PAX7: variants seen among roughly 807,000 people sequenced by gnomAD.
The protein encoded by PAX7 is paired box 7, also known as paired box protein Pax-7.
In PAX7, 18 loss-of-function variants were observed where a neutral mutation model predicts 50.7. The observed-to-expected ratio is 0.36, with a 90% CI of 0.25 to 0.53. The LOEUF (loss-of-function observed/expected upper bound fraction) is 0.53, where lower values mean the gene tolerates loss of function less well. Among genes scored for constraint, PAX7 ranks in the 20% least tolerant of loss-of-function variants. PAX7 has a pLI of 0.93. For synonymous variants in PAX7, 310 were observed against 290.4 expected, an observed-to-expected ratio of 1.07 and a Z score of -0.69; for missense variants, 644 against 702.9, an observed-to-expected ratio of 0.92 and a Z score of 0.95.
Position 18,745,166 on chromosome 1 carries a change from G to A in PAX7, c.*237G>A, listed in dbSNP as rs1366892728. The stretch of plus-strand genomic sequence containing the variant: ...CCACTTTCCCCAAGGAGGGTTTCTG[G>A]TCAGCCTGAGGTCCTCCCCTGTCAA... On this transcript the variant is annotated 3_prime_UTR_variant, in exon 9 of 9. Transcript: ENST00000420770. The A allele has an allele frequency of 5.4e-6, 3 of 552,706 alleles. No homozygotes were observed. The highest frequency in any genetic ancestry group is 6.0e-5 in the East Asian group (2 of 33,192). The allele number at this position is 552,706 out of a possible 1,614,324, so 34.2% of individuals were successfully genotyped here.
chr1:18,651,318 C>T (rs1315501313), intron 4 of PAX7, among the ~76,000 whole-genome samples: 1 of 152,056 alleles, frequency 6.6e-6, no homozygotes, highest in Admixed American at 6.6e-5. Flanking sequence ...ATCGGTGGCT[C>T]TAAAATGTAT....
In PAX7 at chr1:18,632,104, A is replaced by G. The variant is rs1263612240; in HGVS notation, c.85+416A>G. Among the ~76,000 whole-genome samples, 1 of 151,950 alleles carries G rather than the reference A, an allele frequency of 6.6e-6. No homozygotes were observed. Among genetic ancestry groups the G allele is most frequent in the Non-Finnish European group, 1.5e-5 (1 of 68,000 alleles). ...TTGAATTATTTTTTCCACCCCCGGG[A>G]TTGGTCTTCCAGTCCTTTATTTCGA... On this transcript the variant is annotated intron_variant, in intron 1 of 8. Coordinates refer to ENST00000420770, the MANE Select transcript of PAX7 (RefSeq NM_001135254.2). This position sits in a 1 kb window ranked among gnomAD's most constrained non-coding sequence, Gnocchi z 6.3.
Position 18,735,417 on chromosome 1 carries a change from C to G in PAX7, c.1156-215C>G, listed in dbSNP as rs1476817698. Among the ~76,000 whole-genome samples the G allele has an allele frequency of 6.6e-6, 1 of 152,192 alleles. No individual in the cohort carries two copies. The highest frequency in any genetic ancestry group is 1.5e-5 in the Non-Finnish European group (1 of 68,038). On this transcript the variant is annotated intron_variant, in intron 7 of 8. Coordinates refer to ENST00000420770, the MANE Select transcript of PAX7 (RefSeq NM_001135254.2). The surrounding 1 kb of genome is among the most constrained non-coding windows in gnomAD (Gnocchi z 4.0). Reference sequence around the variant, plus strand: ...CTCAGTGGAAGGAGGATCCCTGGGTCAGGACCCTCCTTCAAGAGAAACACC... The same window carrying G: ...CTCAGTGGAAGGAGGATCCCTGGGTGAGGACCCTCCTTCAAGAGAAACACC...
chr1:18,697,275 G>A (rs1478381808), intron 5 of PAX7, among the ~76,000 whole-genome samples: 1 of 152,186 alleles, frequency 6.6e-6, no homozygotes, highest in Non-Finnish European at 1.5e-5. Flanking sequence ...AAAGAACTCA[G>A]TCCTGACCAG....
chr1:18,634,571 G>C lies in PAX7; in HGVS notation c.321+33G>C, dbSNP rs773385813. On this transcript the variant is annotated intron_variant, in intron 2 of 8. Transcript: ENST00000420770. This position sits in a 1 kb window ranked among gnomAD's most constrained non-coding sequence, Gnocchi z 4.0. The stretch of plus-strand genomic sequence containing the variant: ...TCTTTGCCACAGAGGCTGGCAGCTG[G>C]CTTCCTATAGTCGGGGGCTCCTGGT... 3 of 1,588,366 alleles carry C rather than the reference G, an allele frequency of 1.9e-6. No homozygotes were observed. The Admixed American group carries it at 5.0e-5, about 27-fold the overall frequency.
At chr1:18,694,461 A>AAAATAAATAAATAAAT (rs61364336) in intron 5 of PAX7, among the ~76,000 whole-genome samples, 6 of 139,754 alleles carry the variant, frequency 4.3e-5, no homozygotes, top group South Asian at 2.4e-4. Context: ...CTCTGTCTCG[A>AAAATAAATAAATAAAT]AAATAAATAA....
intron 7 of PAX7, among the ~76,000 whole-genome samples, chr1:18,717,248 T>C (rs985300722): frequency 6.6e-6 from 1 of 152,222 alleles, no homozygotes; most frequent in East Asian, 1.9e-4. Context: ...CCCCCCGGAC[T>C]GCGGAGCCGC....
chr1:18,707,488 C>T (rs9439680), intron 7 of PAX7, among the ~76,000 whole-genome samples: 8,228 of 139,264 alleles, frequency 0.059, 756 homozygotes, highest in African/African-American at 0.2. Context: ...GGCGCGATCT[C>T]AGCTCATTGC....
intron 5 of PAX7, among the ~76,000 whole-genome samples, chr1:18,692,617 G>T (rs1227056870): frequency 1.3e-5 from 2 of 152,202 alleles, no homozygotes; most frequent in Admixed American, 6.5e-5. Context: ...GGGAGTATAA[G>T]AATCTCCAAA....
intron 7 of PAX7, among the ~76,000 whole-genome samples, chr1:18,730,186 C>A (rs2089629549): frequency 6.6e-6 from 1 of 152,186 alleles, no homozygotes; most frequent in Non-Finnish European, 1.5e-5. Flanking sequence ...CTCTAGGTAG[C>A]TACAATTATC....
At chr1:18,650,277 T>C (rs749699658) in intron 4 of PAX7, among the ~76,000 whole-genome samples, 5 of 152,246 alleles carry the variant, frequency 3.3e-5, no homozygotes, top group Non-Finnish European at 7.3e-5. Context: ...TAGGGAACTT[T>C]CTCTCCTGGC....
In PAX7 at chr1:18,740,591, G is replaced by A. The variant is rs558816404; in HGVS notation, c.1403-4223G>A. Among the ~76,000 whole-genome samples, 5 of 152,284 alleles carry A rather than the reference G, an allele frequency of 3.3e-5. No individual in the cohort carries two copies. In the South Asian group the frequency reaches 1.0e-3, roughly 32 times the overall value. On this transcript the variant is annotated intron_variant, in intron 8 of 8. Coordinates refer to ENST00000420770, the MANE Select transcript of PAX7 (RefSeq NM_001135254.2). ...CACAGTAGGTGGTCCATACATGAGG[G>A]TGCTCGCCTTGTTGTTCTGATTATT...
At chr1:18,687,736 C>T (rs2088998252) in intron 4 of PAX7, among the ~76,000 whole-genome samples, 1 of 152,020 alleles carries the variant, frequency 6.6e-6, no homozygotes, top group South Asian at 2.1e-4. Flanking sequence ...ACTCAGTGTC[C>T]AGAGGGTTGT....
intron 4 of PAX7, among the ~76,000 whole-genome samples, chr1:18,645,456 C>T (rs2088324576): frequency 6.6e-6 from 1 of 152,326 alleles, no homozygotes; most frequent in East Asian, 1.9e-4. Flanking sequence ...TGGGTCCTTT[C>T]CATGGGACCC....
At chr1:18,719,484 G>A (rs1458930181) in intron 7 of PAX7, among the ~76,000 whole-genome samples, 1 of 152,234 alleles carries the variant, frequency 6.6e-6, no homozygotes, top group Non-Finnish European at 1.5e-5. Context: ...ACTGGCCTGA[G>A]GCCAAATGAA....
intron 8 of PAX7, among the ~76,000 whole-genome samples, chr1:18,740,195 G>A (rs371692220): frequency 9.9e-4 from 151 of 152,280 alleles, no homozygotes; most frequent in Middle Eastern, 6.8e-3. Context: ...CCCTGCCCTC[G>A]CCGGCCCCTC....
At chr1:18,639,541 A>G (rs1324129249) in intron 4 of PAX7, among the ~76,000 whole-genome samples, 1 of 152,052 alleles carries the variant, frequency 6.6e-6, no homozygotes, top group African/African-American at 2.4e-5. Context: ...GCCCCCATGC[A>G]CTTAGACTCC....
intron 5 of PAX7, among the ~76,000 whole-genome samples, chr1:18,694,505 T>A (rs1225246670): frequency 6.9e-6 from 1 of 144,346 alleles, no homozygotes; most frequent in Non-Finnish European, 1.5e-5. Flanking sequence ...AATAAATAAA[T>A]AAATATAAAA....
rs1482371940 is a variant in PAX7, at chr1:18,746,926, G to C, written c.*1997G>C. 1 of 231,714 alleles carries C rather than the reference G, an allele frequency of 4.3e-6. No homozygotes were observed. Among genetic ancestry groups the C allele is most frequent in the Non-Finnish European group, 8.5e-6 (1 of 117,172 alleles). The allele number at this position is 231,714 out of a possible 1,614,324, so 14.4% of individuals were successfully genotyped here. On this transcript the variant is annotated 3_prime_UTR_variant, in exon 9 of 9. Coordinates refer to ENST00000420770, the MANE Select transcript of PAX7 (RefSeq NM_001135254.2). ...ACAAACAGACTCTTTGGTAGCAGCAGACACATGTGATCCATCAAGATCAAC... is the reference window on the plus strand; with the variant it reads ...ACAAACAGACTCTTTGGTAGCAGCACACACATGTGATCCATCAAGATCAAC...
Sources: allele counts gnomAD v4.1 joint callset (sites outside exome capture counted in the v4.1 genomes callset), GRCh38; gene constraint gnomAD v4.1.1; non-coding constraint Gnocchi (gnomAD v3.1); transcripts MANE v1.5; gene names NCBI Gene and HGNC (gene_info 2026-07-23, HGNC 2026-07-21).